Variants in PLPPR1 observed in about 807,000 individuals in gnomAD.
PLPPR1 encodes the protein phospholipid phosphatase-related protein type 1.
Under a neutral mutation model 33.1 loss-of-function variants are expected in PLPPR1, and 10 were observed. That is an observed-to-expected ratio of 0.30 (90% confidence interval 0.19 to 0.51). The LOEUF (loss-of-function observed/expected upper bound fraction) is 0.51. Ranked by LOEUF, PLPPR1 falls within the 20% of genes least tolerant of loss-of-function variation. The pLI is 0.97. For synonymous variants in PLPPR1, 151 were observed against 151.0 expected (o/e 1.00, Z 0.00); for missense variants, 304 against 408.1 (o/e 0.74, Z 2.20).
At chr9:101,221,919 G>A (rs576651902) in intron 2 of PLPPR1, among the ~76,000 whole-genome samples, 1 of 152,256 alleles carries the variant, frequency 6.6e-6, no homozygotes, top group African/African-American at 2.4e-5. Flanking sequence ...AATGGAAGAA[G>A]GAAAGAAAAT....
chr9:101,090,718 A>AAAACAAAC (rs55685639), intron 1 of PLPPR1, among the ~76,000 whole-genome samples: 26,273 of 149,928 alleles, frequency 0.18, 2,430 homozygotes, highest in Middle Eastern at 0.2. Context: ...ACTCTGTCTC[A>AAAACAAAC]AAACAAACAA....
chr9:101,068,705 T>G (rs1427900423), intron 1 of PLPPR1, among the ~76,000 whole-genome samples: 1 of 151,990 alleles, frequency 6.6e-6, no homozygotes, highest in Non-Finnish European at 1.5e-5. Flanking sequence ...GACTTACTAA[T>G]TAGGTGGAAC....
At chr9:101,092,073 CTGAACT>C (rs1282538205) in intron 1 of PLPPR1, among the ~76,000 whole-genome samples, 1 of 152,188 alleles carries the variant, frequency 6.6e-6, no homozygotes, top group Non-Finnish European at 1.5e-5. Flanking sequence ...TCAGCTGCTT[CTGAACT>C]TCATCTTCCT....
intron 1 of PLPPR1, among the ~76,000 whole-genome samples, chr9:101,044,196 A>G (rs1468618437): frequency 6.6e-6 from 1 of 152,174 alleles, no homozygotes; most frequent in African/African-American, 2.4e-5. Flanking sequence ...AAACAATACC[A>G]TCAAAAAATA....
intron 3 of PLPPR1, among the ~76,000 whole-genome samples, chr9:101,277,706 A>T (rs1306212612): frequency 6.6e-6 from 1 of 152,172 alleles, no homozygotes; most frequent in African/African-American, 2.4e-5. Flanking sequence ...AACTAGTCCA[A>T]AATTAAACAC....
intron 1 of PLPPR1, among the ~76,000 whole-genome samples, chr9:101,073,080 C>A (rs1480841320): frequency 6.6e-6 from 1 of 152,072 alleles, no homozygotes; most frequent in South Asian, 2.1e-4. Context: ...GCAGATAAAA[C>A]AAAGACAATT....
intron 1 of PLPPR1, among the ~76,000 whole-genome samples, chr9:101,099,219 C>G (rs1830863107): frequency 6.6e-6 from 1 of 151,958 alleles, no homozygotes; most frequent in African/African-American, 2.4e-5. Context: ...AAAACAAAAC[C>G]CTATGAATGC....
intron 2 of PLPPR1, among the ~76,000 whole-genome samples, chr9:101,212,971 CATAA>C (rs1483579658): frequency 2.0e-5 from 3 of 152,116 alleles, no homozygotes; most frequent in Admixed American, 6.5e-5. Flanking sequence ...CTGTTGTAGT[CATAA>C]ATAGTTTACA....
intron 1 of PLPPR1, among the ~76,000 whole-genome samples, chr9:101,140,525 G>T (rs980502876): frequency 6.6e-6 from 1 of 152,158 alleles, no homozygotes; most frequent in Non-Finnish European, 1.5e-5. Context: ...AAAACAGGCT[G>T]TCTCCACAAG....
At chr9:101,160,197 T>C (rs983929557) in intron 1 of PLPPR1, among the ~76,000 whole-genome samples, 4 of 152,184 alleles carry the variant, frequency 2.6e-5, no homozygotes, top group African/African-American at 9.6e-5. Context: ...TTCCTCCAAC[T>C]AGAAAAGTGG....
In PLPPR1 at chr9:101,081,640, A is replaced by G. The variant is rs368046145; in HGVS notation, c.-46+52538A>G. 2.0e-5 allele frequency among the ~76,000 whole-genome samples: 3 copies of G among 152,220 alleles called. No individual in the cohort carries two copies. In the East Asian group the frequency reaches 5.8e-4, roughly 29 times the overall value. ...TATACTTCCCCATTAGAAATCAGAAATAGGTACAGTAAATTTAGATTAATT... is the reference window on the plus strand; with the variant it reads ...TATACTTCCCCATTAGAAATCAGAAGTAGGTACAGTAAATTTAGATTAATT... On this transcript the variant is annotated intron_variant, in intron 1 of 7. Transcript: ENST00000374874.
At chr9:101,127,060 C>A (rs1588038777) in intron 1 of PLPPR1, among the ~76,000 whole-genome samples, 1 of 152,262 alleles carries the variant, frequency 6.6e-6, no homozygotes, top group Non-Finnish European at 1.5e-5. Flanking sequence ...TACTAACTTT[C>A]ACTCCCCCTC....
chr9:101,170,989 G>T (rs1355551565), intron 1 of PLPPR1, among the ~76,000 whole-genome samples: 1 of 152,064 alleles, frequency 6.6e-6, no homozygotes, highest in Non-Finnish European at 1.5e-5. Flanking sequence ...TGAAAAACAG[G>T]CAGACATTTT....
In PLPPR1 at chr9:101,317,368, A is replaced by C. The variant is rs752191646; in HGVS notation, c.817A>C (p.Met273Leu). The C allele has an allele frequency of 2.5e-6, 4 of 1,613,464 alleles. No individual in the cohort carries two copies. Among genetic ancestry groups the C allele is most frequent in the Non-Finnish European group, 3.4e-6 (4 of 1,179,740 alleles). ...LGTAVALFLG[M>L]CVVHNFKGTQ... ...TTTTTTCCCCCTCATCCTGCAGGGA[A>C]TGTGTGTGGTTCATAACTTTAAAGG... Residue 273 changes from methionine (M) to leucine (L), a missense_variant, in exon 7 of 8, where the codon ATG becomes CTG. Coordinates refer to ENST00000374874, the MANE Select transcript of PLPPR1 (RefSeq NM_207299.2).
intron 1 of PLPPR1, among the ~76,000 whole-genome samples, chr9:101,125,159 T>C (rs796386935): frequency 7.9e-5 from 12 of 152,352 alleles, no homozygotes; most frequent in African/African-American, 2.4e-4. Flanking sequence ...TTTGTACCTC[T>C]TTAGGGCACT....
intron 7 of PLPPR1, among the ~76,000 whole-genome samples, chr9:101,318,703 G>T (rs987467893): frequency 6.6e-6 from 1 of 152,136 alleles, no homozygotes. Context: ...GAGCCTGGGA[G>T]ATTAAGACTA....
chr9:101,204,721 G>C (rs540136887), intron 2 of PLPPR1, among the ~76,000 whole-genome samples: 2 of 152,114 alleles, frequency 1.3e-5, no homozygotes, highest in East Asian at 3.9e-4. Context: ...TTCTTACTGG[G>C]CTACTATGAA....
chr9:101,241,111 CT>C (rs1827456484), intron 2 of PLPPR1, among the ~76,000 whole-genome samples: 1 of 151,938 alleles, frequency 6.6e-6, no homozygotes, highest in African/African-American at 2.4e-5. Context: ...GGTTGTATGT[CT>C]TGTGTTCTTT....
intron 1 of PLPPR1, among the ~76,000 whole-genome samples, chr9:101,127,223 G>A (rs72741433): frequency 2.6e-5 from 4 of 152,276 alleles, no homozygotes; most frequent in African/African-American, 4.8e-5. Flanking sequence ...GCTTTCATAC[G>A]CTCTAGCGTT....
Sources: gnomAD v4.1 joint callset for allele counts (sites outside exome capture counted in the v4.1 genomes callset) on GRCh38, gnomAD v4.1.1 for gene constraint, MANE v1.5 for transcripts, NCBI Gene and HGNC (gene_info 2026-07-23, HGNC 2026-07-21) for gene names.